The following SH3TC1 variants were observed in gnomAD, a reference collection of about 807,000 sequenced individuals.
SH3TC1 encodes SH3 domain and tetratricopeptide repeats 1.
In SH3TC1, 135 loss-of-function variants were observed where a neutral mutation model predicts 117.3. The ratio of observed to expected loss-of-function variants is 1.15; its 90% CI spans 1.00 to 1.33. The LOEUF (loss-of-function observed/expected upper bound fraction) is 1.33. Ranked by LOEUF, SH3TC1 falls within the 40% of genes most tolerant of loss-of-function variation. SH3TC1 has a pLI of 0.00. For synonymous variants in SH3TC1, 898 were observed against 816.9 expected (o/e 1.10, Z -1.69); for missense variants, 2,092 against 1,794.3 (o/e 1.17, Z -3.00).
chr4:8,214,407 C>T (rs188378752), intron 4 of SH3TC1, 68 bp from the exon 5 acceptor site: 47 of 1,434,000 alleles, frequency 3.3e-5, no homozygotes, highest in Middle Eastern at 1.8e-4. Context: ...GTCATGTGGA[C>T]GCTGTCCTCC....
chr4:8,217,034 G>T lies in SH3TC1; in HGVS notation c.706G>T (p.Ala236Ser), dbSNP rs769197959. Residue 236 changes from alanine (A) to serine (S), a missense_variant, in exon 7 of 18, where the codon GCC becomes TCC. Ala to Ser is a moderately conservative substitution (Grantham distance 99, BLOSUM62 1). Coordinates refer to ENST00000245105, the MANE Select transcript of SH3TC1 (RefSeq NM_018986.5). ...GPRDAGNGPQ[A>S]LRQASGAPQG... ...CCGGGATGCAGGAAATGGCCCCCAG[G>T]CCCTCAGGCAGGCTTCGGGGGCACC... 4.8e-5 allele frequency: 77 copies of T among 1,613,566 alleles called. No homozygotes were observed. Among genetic ancestry groups the T allele is most frequent in the Non-Finnish European group, 5.8e-5 (69 of 1,179,804 alleles).
rs767017352 is a variant in SH3TC1, at chr4:8,227,333, C to CG, written c.1645dup (p.Ala549GlyfsTer36). The CG allele has an allele frequency of 1.3e-5, 21 of 1,605,208 alleles. No individual in the cohort carries two copies. Among genetic ancestry groups the CG allele is most frequent in the Non-Finnish European group, 1.6e-5 (19 of 1,176,582 alleles). ...GCTGACTGGGCGCCTGGCACAGGCCCGGGGGGCGGCCAAGAAAGCTGGCCT... is the reference window on the plus strand; with the variant it reads ...GCTGACTGGGCGCCTGGCACAGGCCCGGGGGGGCGGCCAAGAAAGCTGGCCT... On this transcript the variant is annotated frameshift_variant, in exon 12 of 18. Coordinates refer to ENST00000245105, the MANE Select transcript of SH3TC1 (RefSeq NM_018986.5). LOFTEE classifies it high-confidence loss of function.
intron 5 of SH3TC1, among the ~76,000 whole-genome samples, chr4:8,215,008 G>C (rs550787821): frequency 6.6e-6 from 1 of 152,324 alleles, no homozygotes; most frequent in East Asian, 1.9e-4. Context: ...GGCTCACAAA[G>C]GCCTCACTAG....
chr4:8,197,282 C>T (rs80062364), upstream of SH3TC1, among the ~76,000 whole-genome samples: 1,364 of 152,240 alleles, frequency 9.0e-3, 16 homozygotes, highest in African/African-American at 0.031. Flanking sequence ...ATGGCCCTTC[C>T]GACAGCTTGA....
rs983251480 is a variant in SH3TC1 at position 8,183,500 on chromosome 4, G to T, written c.-57+1290G>T. 2.0e-5 allele frequency among the ~76,000 whole-genome samples: 3 copies of T among 152,226 alleles called. No individual in the cohort carries two copies. The highest frequency in any genetic ancestry group is 2.1e-4 in the South Asian group (1 of 4,828). ...GGCAAGCAGCCCCACCCAAGCAGGCGGCTCCAGGCTTGGCTGGGATCCCGC... is the reference window on the plus strand; with the variant it reads ...GGCAAGCAGCCCCACCCAAGCAGGCTGCTCCAGGCTTGGCTGGGATCCCGC... On this transcript the variant is annotated intron_variant, in intron 1 of 16. Coordinates refer to the SH3TC1 transcript ENST00000508641. The surrounding 1 kb of genome is among the most constrained non-coding windows in gnomAD (Gnocchi z 5.4).
intron 8 of SH3TC1, 97 bp from the exon 9 acceptor site, chr4:8,219,238 A>T (rs1218302877): frequency 1.6e-6 from 2 of 1,251,530 alleles, no homozygotes; most frequent in African/African-American, 3.0e-5. Flanking sequence ...CAAAAGATGA[A>T]TTCCCCATGG....
intron 11 of SH3TC1, among the ~76,000 whole-genome samples, chr4:8,226,031 A>G (rs1720429203): frequency 6.6e-6 from 1 of 152,056 alleles, no homozygotes; most frequent in South Asian, 2.1e-4. Flanking sequence ...GTCAAGTCAC[A>G]TTTGCCTCTA....
intron 1 of SH3TC1, among the ~76,000 whole-genome samples, chr4:8,189,009 C>T (rs1717325134): frequency 6.6e-6 from 1 of 152,248 alleles, no homozygotes; most frequent in Non-Finnish European, 1.5e-5. Context: ...TCCGTGCCTG[C>T]TGCAAGCCGG....
chr4:8,188,999 T>C (rs1281114), intron 1 of SH3TC1, among the ~76,000 whole-genome samples: 140,910 of 152,336 alleles, frequency 0.92, 65,934 homozygotes, highest in East Asian at 1. Context: ...CTAGGGCAAG[T>C]CCGTGCCTGC....
chr4:8,212,935 G>C (rs982395684), intron 4 of SH3TC1, 107 bp downstream of exon 4: 1 of 1,408,932 alleles, frequency 7.1e-7, no homozygotes, highest in African/African-American at 1.4e-5. Context: ...AGGCCTCAGA[G>C]AGCGAGAGCC....
chr4:8,221,697 A>G (rs1366884278), intron 9 of SH3TC1, among the ~76,000 whole-genome samples: 1 of 152,236 alleles, frequency 6.6e-6, no homozygotes, highest in Admixed American at 6.5e-5. Context: ...ATCTGCTTAC[A>G]TAACTACAGT....
chr4:8,231,330 C>G (rs1721184487), intron 12 of SH3TC1: 1 of 152,930 alleles, frequency 6.5e-6, no homozygotes, highest in African/African-American at 2.4e-5. Context: ...GGGGAATGTC[C>G]CATGGGCGCT....
At position 8,240,985 on chromosome 4, in the gene SH3TC1, C is replaced by T. The variant is rs200019386; in HGVS notation, c.*30C>T. On this transcript the variant is annotated 3_prime_UTR_variant, in exon 18 of 18. Transcript: ENST00000245105. Reference sequence around the variant, plus strand: ...AGCATCCAAGGGAGTGGGTTTTGTGCAAGGGCTGGGGGTCTCCTGCCTCTC... The same window carrying T: ...AGCATCCAAGGGAGTGGGTTTTGTGTAAGGGCTGGGGGTCTCCTGCCTCTC... 6.3e-7 allele frequency: 1 copy of T among 1,599,488 alleles called. No homozygotes were observed. Among genetic ancestry groups the T allele is most frequent in the Non-Finnish European group, 8.5e-7 (1 of 1,176,104 alleles).
chr4:8,188,577 C>T (rs1225229369), intron 1 of SH3TC1, among the ~76,000 whole-genome samples: 2 of 152,236 alleles, frequency 1.3e-5, no homozygotes, highest in Admixed American at 6.5e-5. Flanking sequence ...GGGAGTTTCC[C>T]GGTCCCCCCT....
chr4:8,216,727 C>T (rs1719314188), intron 6 of SH3TC1, among the ~76,000 whole-genome samples: 1 of 152,088 alleles, frequency 6.6e-6, no homozygotes, highest in African/African-American at 2.4e-5. Flanking sequence ...AGGCCCAGGG[C>T]GAGGGTCTGA....
rs760171039 is a variant in SH3TC1 at position 8,232,179 on chromosome 4, TGGGGGCGGG to T, written c.3131+27_3131+35del. 4 of 77,924 alleles carry T rather than the reference TGGGGGCGGG, an allele frequency of 5.1e-5. No homozygotes were observed. The African/African-American group carries it at 9.6e-4, about 19-fold the overall frequency. The allele number at this position is 77,924 out of a possible 1,614,324, so 4.8% of individuals were successfully genotyped here. On this transcript the variant is annotated intron_variant, in intron 13 of 17. Transcript: ENST00000245105. ...GCGGTGAGGGCTGGCTCTGTGGTGG[TGGGGGCGGG>T]GGGAGGGGGCAAAGGGGGCGGCGGG...
At chr4:8,236,018 G>A (rs1366332212) in intron 15 of SH3TC1, 1 of 516,430 alleles carries the variant, frequency 1.9e-6, no homozygotes, top group Non-Finnish European at 3.4e-6. Context: ...GAGGAGTGCA[G>A]GCTCCCCCCA....
At chr4:8,212,902 C>G in intron 4 of SH3TC1, 74 bp downstream of exon 4, 3 of 1,476,574 alleles carry the variant, frequency 2.0e-6, no homozygotes, top group South Asian at 1.4e-5. Context: ...GGTGCAGTGT[C>G]TGAGACTGGG....
At position 8,227,912 on chromosome 4, in the gene SH3TC1, T is replaced by C; in HGVS notation, c.2218T>C (p.Ser740Pro). 1 of 1,612,648 alleles carries C rather than the reference T, an allele frequency of 6.2e-7. No individual in the cohort carries two copies. Among genetic ancestry groups the C allele is most frequent in the Non-Finnish European group, 8.5e-7 (1 of 1,179,916 alleles). ...GGTGGCCTCATTGCGGACACGGGGC[T>C]CGCTGGCCGGCTCGCTGAGGAGTGT... ...VKVASLRTRG[S>P]LAGSLRSVNL... The change falls in exon 12 of 18, where the codon TCG (serine) becomes CCG (proline). Residue 740 changes from serine (S) to proline (P), a missense_variant. Ser to Pro is a moderately conservative substitution (Grantham distance 74). Transcript: ENST00000245105.
Sources: gnomAD v4.1 joint callset for allele counts (sites outside exome capture counted in the v4.1 genomes callset) on GRCh38, gnomAD v4.1.1 for gene constraint, Gnocchi (gnomAD v3.1) non-coding constraint, MANE v1.5 for transcripts, NCBI Gene and HGNC (gene_info 2026-07-23, HGNC 2026-07-21) for gene names.